MCF2L: variants seen among roughly 807,000 people sequenced by gnomAD.
MCF2L encodes MCF.2 cell line derived transforming sequence like, also known as guanine nucleotide exchange factor DBS.
In MCF2L, 97 loss-of-function variants were observed where a neutral mutation model predicts 153.4. The ratio of observed to expected loss-of-function variants is 0.63; its 90% CI spans 0.54 to 0.75. The LOEUF (loss-of-function observed/expected upper bound fraction) is 0.75. Ranked by LOEUF, MCF2L falls within the 30% of genes least tolerant of loss-of-function variation. MCF2L has a pLI of 0.00. For synonymous variants in MCF2L, 659 were observed against 632.2 expected, an observed-to-expected ratio of 1.04 and a Z score of -0.64; for missense variants, 1,347 against 1,495.2, an observed-to-expected ratio of 0.90 and a Z score of 1.64.
rs1021002448 is a variant in MCF2L, at chr13:113,028,888, G to A, written c.278+4130G>A. Among the ~76,000 whole-genome samples the A allele has an allele frequency of 2.6e-5, 4 of 151,152 alleles. No individual in the cohort carries two copies. In the South Asian group the frequency reaches 6.3e-4, roughly 24 times the overall value. Reference sequence around the variant, plus strand: ...GCGGGGTGTGTGTGGGGTATGTGTGGTGTGTGTGTAATGTGAGCATGTGGC... The same window carrying A: ...GCGGGGTGTGTGTGGGGTATGTGTGATGTGTGTGTAATGTGAGCATGTGGC... On this transcript the variant is annotated intron_variant, in intron 3 of 29. Transcript: ENST00000535094. This position sits in a 1 kb window ranked among gnomAD's most constrained non-coding sequence, Gnocchi z 5.4.
At position 112,949,484 on chromosome 13, in the gene MCF2L, A is replaced by T. The variant is rs144043422; in HGVS notation, c.169+47113A>T. Among the ~76,000 whole-genome samples the T allele has an allele frequency of 8.1e-3, 1,232 of 152,320 alleles. 7 individuals are homozygous for T. The highest frequency in any genetic ancestry group is 0.013 in the Non-Finnish European group (916 of 68,018). ...ATATAACACACAAGCCCATAACAAG[A>T]TATTGGTAAATATATTAAGCAATAG... is the stretch of plus-strand genomic sequence containing the variant. On this transcript the variant is annotated intron_variant, in intron 2 of 29. Transcript: ENST00000375608.
intron 1 of MCF2L, among the ~76,000 whole-genome samples, chr13:113,007,165 T>C (rs542400649): frequency 6.6e-6 from 1 of 152,314 alleles, no homozygotes; most frequent in Middle Eastern, 3.4e-3. Context: ...AGCCAGGGCA[T>C]GAGTGCACAC....
intron 2 of MCF2L, among the ~76,000 whole-genome samples, chr13:112,914,031 C>T (rs2081264097): frequency 6.6e-6 from 1 of 152,240 alleles, no homozygotes; most frequent in Admixed American, 6.5e-5. Context: ...CCAGCCCCTT[C>T]TCCCCCTGTG....
chr13:112,979,548 T>G, intron 1 of MCF2L: 5 of 1,535,692 alleles, frequency 3.3e-6, no homozygotes, highest in Non-Finnish European at 4.4e-6. Flanking sequence ...GCCCGGCTTT[T>G]AGCTGTCGCA....
At chr13:112,919,156 A>AT (rs960642876) in intron 2 of MCF2L, among the ~76,000 whole-genome samples, 4 of 150,682 alleles carry the variant, frequency 2.7e-5, no homozygotes, top group Admixed American at 1.3e-4. Flanking sequence ...GTTTTTAGGC[A>AT]TTTTTTCAAT....
intron 1 of MCF2L, among the ~76,000 whole-genome samples, chr13:112,900,380 T>TG (rs1191263244): frequency 6.6e-6 from 1 of 152,168 alleles, no homozygotes. Flanking sequence ...GGGCATGAGA[T>TG]GCGCAGGCAG....
In MCF2L at chr13:113,053,309, G is replaced by T. The variant is rs2087494219; in HGVS notation, c.370-7284G>T. Among the ~76,000 whole-genome samples the T allele has an allele frequency of 6.6e-6, 1 of 152,218 alleles. No homozygotes were observed. The highest frequency in any genetic ancestry group is 1.5e-5 in the Non-Finnish European group (1 of 68,038). Reference sequence around the variant, plus strand: ...TCAGTCGTCTCTAATCCACCCAGTTGTTGGTTTTTGTTTTGCTTTCTGTCT... The same window carrying T: ...TCAGTCGTCTCTAATCCACCCAGTTTTTGGTTTTTGTTTTGCTTTCTGTCT... On this transcript the variant is annotated intron_variant, in intron 4 of 29. Coordinates refer to ENST00000535094, the MANE Select transcript of MCF2L (RefSeq NM_001112732.3). This position sits in a 1 kb window ranked among gnomAD's most constrained non-coding sequence, Gnocchi z 4.4.
At chr13:113,016,946 GAGCCATGTACTGAGGGCTC>G (rs1164863871) in intron 2 of MCF2L, among the ~76,000 whole-genome samples, 1 of 152,184 alleles carries the variant, frequency 6.6e-6, no homozygotes, top group Non-Finnish European at 1.5e-5. Flanking sequence ...CCCAGCCTCA[GAGCCATGTACTGAGGGCTC>G]AGCCATGGGC....
chr13:113,021,838 G>A (rs942228274), intron 2 of MCF2L, among the ~76,000 whole-genome samples: 1 of 152,148 alleles, frequency 6.6e-6, no homozygotes, highest in Admixed American at 6.5e-5. Context: ...AAAGAACAGG[G>A]TCTTTGCTTT....
In MCF2L at chr13:113,094,864, ACT is replaced by A. The variant is rs147439610; in HGVS notation, c.3075+236_3075+237del. ...TGGGGCACAGCCCCAGCTCCTCCTA[ACT>A]CTCTCTGGAAGGTCCACCTGGGCCT... On this transcript the variant is annotated intron_variant, in intron 27 of 29. Coordinates refer to ENST00000535094, the MANE Select transcript of MCF2L (RefSeq NM_001112732.3). The A allele has an allele frequency of 5.2e-3, 5,714 of 1,095,754 alleles. 203 individuals carry two copies. In the African/African-American group the frequency reaches 0.079, roughly 15 times the overall value. The allele number at this position is 1,095,754 out of a possible 1,614,324, so 67.9% of individuals were successfully genotyped here.
intron 2 of MCF2L, among the ~76,000 whole-genome samples, chr13:113,022,910 G>A (rs2084983285): frequency 6.6e-6 from 1 of 152,248 alleles, no homozygotes; most frequent in Non-Finnish European, 1.5e-5. Context: ...TGAAAGGTTT[G>A]TGAGTGAGTG....
In MCF2L at chr13:113,076,158, G is replaced by A; in HGVS notation, c.1500+1G>A. On this transcript the variant is annotated splice_donor_variant, in intron 12 of 29. Transcript: ENST00000535094. LOFTEE classifies it high-confidence loss of function. ...ATCCATCCTCAACCAAGATCTCATG[G>A]TAACGCTGACTCGGGCTCTCCATTT... 6.2e-7 allele frequency: 1 copy of A among 1,608,780 alleles called. No individual in the cohort carries two copies. Among genetic ancestry groups the A allele is most frequent in the Non-Finnish European group, 8.5e-7 (1 of 1,176,460 alleles).
rs2081470864 is a variant in MCF2L, at chr13:112,932,179, G to A, written c.169+29808G>A. On this transcript the variant is annotated intron_variant, in intron 2 of 29. Coordinates refer to the MCF2L transcript ENST00000375608. The surrounding 1 kb of genome is among the most constrained non-coding windows in gnomAD (Gnocchi z 4.6). ...ACCTGACGACCTGAGCCAGGCAATC[G>A]AGGTCAGCACCGATGGCGACCAGGC... Among the ~76,000 whole-genome samples the A allele has an allele frequency of 1.3e-5, 2 of 152,136 alleles. No individual in the cohort carries two copies. Among genetic ancestry groups the A allele is most frequent in the South Asian group, 2.1e-4 (1 of 4,828 alleles).
chr13:113,075,814 C>T (rs960807747), intron 11 of MCF2L, 152 bp from the exon 12 acceptor site: 1 of 532,720 alleles, frequency 1.9e-6, no homozygotes. Flanking sequence ...AGCACTGTGT[C>T]CCCTTGGGGT....
At chr13:112,922,112 G>A (rs1448016240) in intron 2 of MCF2L, among the ~76,000 whole-genome samples, 1 of 152,364 alleles carries the variant, frequency 6.6e-6, no homozygotes, top group Non-Finnish European at 1.5e-5. Flanking sequence ...TGGGCCGGGA[G>A]CAGCCCCTGC....
chr13:113,084,093 T>C, intron 18 of MCF2L, 26 bp downstream of exon 18: 2 of 1,579,050 alleles, frequency 1.3e-6, no homozygotes, highest in Non-Finnish European at 8.7e-7. Context: ...ACGTGTATTT[T>C]GTCACAACTT....
chr13:113,049,306 G>A (rs1436852807), intron 4 of MCF2L, among the ~76,000 whole-genome samples: 2 of 151,014 alleles, frequency 1.3e-5, no homozygotes, highest in African/African-American at 2.4e-5. Flanking sequence ...CTAGGTCCTG[G>A]GCAGACCAGG....
chr13:112,989,923 A>C (rs2082833065), intron 1 of MCF2L, among the ~76,000 whole-genome samples: 2 of 152,240 alleles, frequency 1.3e-5, no homozygotes, highest in Non-Finnish European at 2.9e-5. Flanking sequence ...TCAGATCATC[A>C]GGCATTAGAT....
chr13:112,985,507 C>G (rs550172406), intron 1 of MCF2L: 3 of 470,236 alleles, frequency 6.4e-6, no homozygotes, highest in African/African-American at 4.0e-5. Flanking sequence ...CTGTGAGTCC[C>G]TCGCAGGTGG....
Sources: gnomAD v4.1 joint callset for allele counts (sites outside exome capture counted in the v4.1 genomes callset) on GRCh38, gnomAD v4.1.1 for gene constraint, Gnocchi (gnomAD v3.1) non-coding constraint, MANE v1.5 for transcripts, NCBI Gene and HGNC (gene_info 2026-07-23, HGNC 2026-07-21) for gene names.